The following KIF4A variants were observed in gnomAD, a reference collection of about 807,000 sequenced individuals.
KIF4A encodes the protein chromosome-associated kinesin KIF4A.
A neutral mutation model predicts 105.9 loss-of-function variants in KIF4A; 7 were observed. The ratio of observed to expected loss-of-function variants is 0.07; its 90% confidence interval spans 0.04 to 0.12. KIF4A has a LOEUF of 0.12. Ranked by LOEUF, KIF4A falls within the 10% of genes least tolerant of loss-of-function variation. The probability of loss-of-function intolerance (pLI) is 1.00; values close to 1 mark genes in which losing one functional copy is unlikely to be tolerated. For missense variants in KIF4A, 558 were observed against 929.2 expected, an observed-to-expected ratio of 0.60 and a Z score of 5.19; for synonymous variants, 281 against 331.3, an observed-to-expected ratio of 0.85 and a Z score of 1.65.
chrX:70,385,116 A>G (rs1444252396), intron 18 of KIF4A, among the ~76,000 whole-genome samples: 1 of 112,013 alleles, frequency 8.9e-6, no homozygotes, highest in Non-Finnish European at 1.9e-5. Context: ...AATCTATTTC[A>G]TGTATAAGAA....
chrX:70,329,546 T>TA (rs1228189345), intron 8 of KIF4A, 25 bp downstream of exon 8: 1 of 1,116,015 alleles, frequency 9.0e-7, no homozygotes, highest in African/African-American at 1.8e-5. Context: ...CCTCCAAAAA[T>TA]AAGAGAGTAA....
At chrX:70,294,900 G>A (rs1020122801) in intron 3 of KIF4A, among the ~76,000 whole-genome samples, 1 of 111,826 alleles carries the variant, frequency 8.9e-6, no homozygotes, top group Non-Finnish European at 1.9e-5. Context: ...GGCGAAACTC[G>A]TCTCTACCAA....
chrX:70,305,871 A>G (rs1339287843), intron 7 of KIF4A, among the ~76,000 whole-genome samples: 1 of 111,641 alleles, frequency 9.0e-6, no homozygotes, highest in African/African-American at 3.3e-5. Flanking sequence ...TTATTTTTCA[A>G]ACTCCTGGGT....
Position 70,294,307 on chromosome X carries a change from T to A in KIF4A, c.236-2691T>A, listed in dbSNP as rs185456451. Among the ~76,000 whole-genome samples, 135 of 112,087 alleles carry A rather than the reference T, an allele frequency of 1.2e-3. 1 individual carries two copies. The highest frequency in any genetic ancestry group is 2.0e-3 in the Non-Finnish European group (107 of 53,198). ...ATCTCCTATGACAACAATACTTTCT[T>A]CTGGAATACCTCCTGAAGGACCTGC... On this transcript the variant is annotated intron_variant, in intron 3 of 30. Transcript: ENST00000374403.
intron 22 of KIF4A, among the ~76,000 whole-genome samples, chrX:70,397,550 A>T (rs2147735274): frequency 8.9e-6 from 1 of 112,305 alleles, no homozygotes; most frequent in African/African-American, 3.2e-5. Context: ...AAGTAAAAAG[A>T]AAAAGAAGTG....
chrX:70,293,408 A>C (rs1288533901), intron 3 of KIF4A, among the ~76,000 whole-genome samples: 1 of 112,101 alleles, frequency 8.9e-6, no homozygotes, highest in African/African-American at 3.2e-5. Context: ...TATTTTTTTC[A>C]CCTTGAAGTA....
chrX:70,392,249 A>T (rs2086240255), intron 20 of KIF4A, among the ~76,000 whole-genome samples: 1 of 111,893 alleles, frequency 8.9e-6, no homozygotes, highest in Non-Finnish European at 1.9e-5. Context: ...TTTCTTTCTT[A>T]AAAATTTGAT....
At chrX:70,419,315 A>G (rs2086357255) in intron 29 of KIF4A, among the ~76,000 whole-genome samples, 1 of 112,193 alleles carries the variant, frequency 8.9e-6, no homozygotes, top group African/African-American at 3.2e-5. Flanking sequence ...CTTAACTGAA[A>G]GGAACACCCA....
intron 28 of KIF4A, among the ~76,000 whole-genome samples, chrX:70,411,661 A>C (rs2086322566): frequency 9.0e-6 from 1 of 110,944 alleles, no homozygotes; most frequent in Non-Finnish European, 1.9e-5. Context: ...GAGGTAGGAC[A>C]TGGACTTTTT....
intron 28 of KIF4A, among the ~76,000 whole-genome samples, chrX:70,409,950 A>G (rs1240078614): frequency 1.8e-5 from 2 of 111,934 alleles, no homozygotes; most frequent in East Asian, 5.5e-4. Context: ...AAAGGGCAAC[A>G]TAGAAGTATA....
intron 20 of KIF4A, among the ~76,000 whole-genome samples, chrX:70,393,799 CTCTT>C (rs1226256913): frequency 0.015 from 856 of 58,440 alleles, 41 homozygotes; most frequent in African/African-American, 0.055. Context: ...CTTTTCTTTT[CTCTT>C]TCTTTCTTTC....
chrX:70,377,264 A>T (rs2086178651), intron 18 of KIF4A, among the ~76,000 whole-genome samples: 1 of 110,528 alleles, frequency 9.0e-6, no homozygotes, highest in Non-Finnish European at 1.9e-5. Context: ...TAGAGATGGA[A>T]TCTCACTATG....
At chrX:70,299,826 G>T (rs180912231) in intron 5 of KIF4A, among the ~76,000 whole-genome samples, 1 of 112,191 alleles carries the variant, frequency 8.9e-6, no homozygotes, top group East Asian at 2.8e-4. Context: ...TTTAAAACAT[G>T]TAAGTATCAT....
chrX:70,323,232 C>A (rs776548852), intron 7 of KIF4A, among the ~76,000 whole-genome samples: 1 of 111,311 alleles, frequency 9.0e-6, no homozygotes, highest in East Asian at 2.8e-4. Flanking sequence ...CATCTCACTT[C>A]CCCCAAAGCG....
intron 3 of KIF4A, among the ~76,000 whole-genome samples, chrX:70,295,466 G>T (rs1211199245): frequency 9.1e-6 from 1 of 109,755 alleles, no homozygotes; most frequent in Admixed American, 9.7e-5. Flanking sequence ...GAGCCACCAC[G>T]CCTGGCCAAT....
chrX:70,316,951 C>T (rs745901535), intron 7 of KIF4A, among the ~76,000 whole-genome samples: 5 of 112,372 alleles, frequency 4.4e-5, no homozygotes, highest in African/African-American at 1.6e-4. Context: ...TCAGATTTAA[C>T]TGGATGTTCT....
chrX:70,370,953 A>AG (rs1277577998), intron 15 of KIF4A, among the ~76,000 whole-genome samples: 4 of 107,997 alleles, frequency 3.7e-5, no homozygotes, highest in Non-Finnish European at 5.8e-5. Flanking sequence ...AAAAAAAAAA[A>AG]GCAAGGTAAC....
chrX:70,416,996 A>G (rs1264068436), intron 28 of KIF4A, among the ~76,000 whole-genome samples: 1 of 113,093 alleles, frequency 8.8e-6, no homozygotes, highest in Non-Finnish European at 1.9e-5. Context: ...ACACTGGACA[A>G]AATGCAGAAA....
intron 7 of KIF4A, among the ~76,000 whole-genome samples, chrX:70,308,497 G>C (rs781202027): frequency 8.9e-5 from 10 of 112,284 alleles, no homozygotes; most frequent in Non-Finnish European, 1.5e-4. Context: ...ATTTTTTCAC[G>C]TACACATATA....
Sources: allele counts gnomAD v4.1 joint callset (sites outside exome capture counted in the v4.1 genomes callset), GRCh38; gene constraint gnomAD v4.1.1; transcripts MANE v1.5; gene names NCBI Gene and HGNC (gene_info 2026-07-23, HGNC 2026-07-21).